The following EPC2 variants were observed in gnomAD, a reference collection of about 807,000 sequenced individuals.
EPC2 encodes enhancer of polycomb homolog 2.
Under a neutral mutation model 92.1 loss-of-function variants are expected in EPC2, and 14 were observed. That is an observed-to-expected ratio of 0.15 (90% CI 0.10 to 0.24). The LOEUF is 0.24. Ranked by LOEUF, EPC2 falls within the 10% of genes least tolerant of loss-of-function variation. The pLI, the probability that EPC2 is intolerant of heterozygous loss-of-function variation, is 1.00. For missense variants in EPC2, 755 were observed against 971.5 expected (o/e 0.78, Z 2.96); for synonymous variants, 340 against 334.7 (o/e 1.02, Z -0.17).
chr2:148,776,092 T>C (rs1683640151), intron 10 of EPC2, among the ~76,000 whole-genome samples: 1 of 151,382 alleles, frequency 6.6e-6, no homozygotes, highest in Admixed American at 6.6e-5. Flanking sequence ...ATATGACTAA[T>C]TTCCAAAATC....
intron 1 of EPC2, among the ~76,000 whole-genome samples, chr2:148,672,200 A>C (rs1684593723): frequency 6.6e-6 from 1 of 152,104 alleles, no homozygotes; most frequent in Admixed American, 6.5e-5. Flanking sequence ...ATTTGTCTTT[A>C]TGTATCTTTA....
At chr2:148,648,294 A>G (rs1683848005) in intron 1 of EPC2, among the ~76,000 whole-genome samples, 2 of 152,202 alleles carry the variant, frequency 1.3e-5, no homozygotes, top group Non-Finnish European at 2.9e-5. Context: ...CATGAGTGAC[A>G]GCAAATTCAT....
rs1681364725 is a variant in EPC2, at chr2:148,680,092, T to TCC, written c.154-10122_154-10121insCC. 6.6e-5 allele frequency among the ~76,000 whole-genome samples: 10 copies of TCC among 151,452 alleles called. No homozygotes were observed. In the East Asian group the frequency reaches 1.2e-3, roughly 18 times the overall value. On this transcript the variant is annotated intron_variant, in intron 1 of 13. Transcript: ENST00000258484. ...TGGAAGCCCTTTTCTCAAGCCCCTT[T>TCC]TTTTTTTTTTTTAAATGTTTCTGGA...
At chr2:148,783,308 T>C (rs181404103) in intron 11 of EPC2, among the ~76,000 whole-genome samples, 1 of 152,338 alleles carries the variant, frequency 6.6e-6, no homozygotes, top group Admixed American at 6.5e-5. Context: ...ATGTAGTTTT[T>C]CAAGCATTTT....
intron 2 of EPC2, among the ~76,000 whole-genome samples, chr2:148,707,524 C>T (rs1050423238): frequency 6.6e-6 from 1 of 152,310 alleles, no homozygotes; most frequent in Admixed American, 6.5e-5. Context: ...GAACTCTCCA[C>T]CCCAAATCAA....
intron 10 of EPC2, among the ~76,000 whole-genome samples, chr2:148,776,197 T>G (rs970810232): frequency 3.3e-5 from 5 of 152,220 alleles, no homozygotes; most frequent in African/African-American, 1.2e-4. Flanking sequence ...TGTTTGCAAC[T>G]ATGATAGTTT....
At chr2:148,739,833 C>CTTTTTTTTTTTTTTTTTTTTTTTT (rs144868417) in intron 2 of EPC2, among the ~76,000 whole-genome samples, 4 of 81,296 alleles carry the variant, frequency 4.9e-5, no homozygotes, top group African/African-American at 9.2e-5. Context: ...TCTTCTTCTT[C>CTTTTTTTTTTTTTTTTTTTTTTTT]TTTTTTTTTT....
rs377569045 is a variant in EPC2 at position 148,785,001 on chromosome 2, GGT to G, written c.2351+13_2351+14del. Reference sequence around the variant, plus strand: ...AGCAGTGCCATCAGCAGCATAGCAAGGTGTGTGTGTGTGTTTCAGTGATTTTT... The same window carrying G: ...AGCAGTGCCATCAGCAGCATAGCAAGGTGTGTGTGTGTTTCAGTGATTTTT... On this transcript the variant is annotated splice_donor_variant, in intron 13 of 13. Transcript: ENST00000258484. LOFTEE classifies it high-confidence loss of function. 163 of 1,495,426 alleles carry G rather than the reference GGT, an allele frequency of 1.1e-4. No homozygotes were observed. Among genetic ancestry groups the G allele is most frequent in the Admixed American group, 2.9e-4 (12 of 41,990 alleles). 92.6% of individuals were successfully genotyped at this position (1,495,426 alleles called of 1,614,324 possible). A position where few individuals can be genotyped will look rare whatever the true frequency, so the allele number is the denominator to read the frequency against.
chr2:148,672,859 G>A (rs985804159), intron 1 of EPC2, among the ~76,000 whole-genome samples: 1 of 152,044 alleles, frequency 6.6e-6, no homozygotes, highest in African/African-American at 2.4e-5. Flanking sequence ...ACTCCCTTTA[G>A]CAATTTTTAT....
At chr2:148,685,181 T>C (rs1282292836) in intron 1 of EPC2, among the ~76,000 whole-genome samples, 1 of 152,176 alleles carries the variant, frequency 6.6e-6, no homozygotes, top group Non-Finnish European at 1.5e-5. Flanking sequence ...GTCATAAATT[T>C]ATTAACTTTG....
In EPC2 at chr2:148,771,107, G is replaced by C. The variant is rs565102580; in HGVS notation, c.1440G>C (p.Met480Ile). 2.5e-6 allele frequency: 4 copies of C among 1,613,566 alleles called. No individual in the cohort carries two copies. In the South Asian group the frequency reaches 4.4e-5, roughly 18 times the overall value. The change falls in exon 10 of 14, where the codon ATG becomes ATC. Residue 480 changes from methionine to isoleucine, a missense_variant. Met to Ile is a conservative substitution (Grantham distance 10, BLOSUM62 1). This residue lies in a region of EPC2 where 509 missense variants were observed against 607.7 expected (regional missense o/e 0.84). Coordinates refer to ENST00000258484, the MANE Select transcript of EPC2 (RefSeq NM_015630.4). Reference sequence around the variant, plus strand: ...TCCTGAAACAGATAGACCCTGAAATGCTGAATAGTTTTTCAAGCTCTTCCC... The same window carrying C: ...TCCTGAAACAGATAGACCCTGAAATCCTGAATAGTTTTTCAAGCTCTTCCC... ...DPVLKQIDPE[M>I]LNSFSSSSQT...
intron 12 of EPC2, 126 bp from the exon 13 acceptor site, chr2:148,784,542 C>A: frequency 1.4e-6 from 1 of 699,690 alleles, no homozygotes; most frequent in Non-Finnish European, 2.3e-6. Context: ...TTGGAGAGAC[C>A]AGTGTGTGAA....
At chr2:148,747,994 T>C (rs1333222440) in intron 3 of EPC2, among the ~76,000 whole-genome samples, 2 of 152,106 alleles carry the variant, frequency 1.3e-5, no homozygotes, top group African/African-American at 4.8e-5. Flanking sequence ...TCATGTGGAA[T>C]TGTGATCTCC....
intron 2 of EPC2, among the ~76,000 whole-genome samples, chr2:148,734,121 A>G (rs1682703398): frequency 6.6e-6 from 1 of 152,152 alleles, no homozygotes; most frequent in South Asian, 2.1e-4. Context: ...TTTTATATAT[A>G]TGGACTCACA....
chr2:148,748,026 G>A (rs1683017484), intron 3 of EPC2, among the ~76,000 whole-genome samples: 1 of 152,110 alleles, frequency 6.6e-6, no homozygotes, highest in East Asian at 1.9e-4. Context: ...AGGGCCTGGT[G>A]GAGATGATTG....
intron 2 of EPC2, among the ~76,000 whole-genome samples, chr2:148,712,102 T>C (rs1247367957): frequency 6.6e-6 from 1 of 152,230 alleles, no homozygotes; most frequent in Non-Finnish European, 1.5e-5. Flanking sequence ...ATCTACCATA[T>C]CTGTTAATGT....
intron 2 of EPC2, among the ~76,000 whole-genome samples, chr2:148,702,137 T>A (rs1301777157): frequency 6.6e-6 from 1 of 152,178 alleles, no homozygotes; most frequent in Non-Finnish European, 1.5e-5. Flanking sequence ...ACTGATCTTT[T>A]CAGAAGTCAG....
intron 2 of EPC2, among the ~76,000 whole-genome samples, chr2:148,707,218 C>T (rs1335540603): frequency 1.3e-5 from 2 of 152,160 alleles, no homozygotes; most frequent in African/African-American, 2.4e-5. Context: ...ATAAAACAGA[C>T]TTCATACCAA....
intron 1 of EPC2, among the ~76,000 whole-genome samples, chr2:148,667,454 T>C (rs935329144): frequency 5.3e-5 from 8 of 152,214 alleles, no homozygotes; most frequent in Admixed American, 2.6e-4. Context: ...TTACAGTAGA[T>C]TTTTTTGTGT....
Sources: gnomAD v4.1 joint callset for allele counts (sites outside exome capture counted in the v4.1 genomes callset) on GRCh38, gnomAD v4.1.1 for gene constraint, gnomAD v4.1.1 regional missense constraint, MANE v1.5 for transcripts, NCBI Gene and HGNC (gene_info 2026-07-23, HGNC 2026-07-21) for gene names.